ZBED4: variants seen among roughly 807,000 people sequenced by gnomAD.
The protein encoded by ZBED4 is zinc finger BED domain-containing protein 4.
A neutral mutation model predicts 15.5 loss-of-function variants in ZBED4; 4 were observed. The ratio of observed to expected loss-of-function variants is 0.26; its 90% CI spans 0.13 to 0.59. The LOEUF (loss-of-function observed/expected upper bound fraction) is 0.59. Ranked by LOEUF, ZBED4 falls within the 20% of genes least tolerant of loss-of-function variation. The probability of loss-of-function intolerance (pLI) is 0.90; values close to 1 mark genes in which losing one functional copy is unlikely to be tolerated. For missense variants in ZBED4, 1,323 were observed against 1,461.8 expected (o/e 0.91, Z 1.55); for synonymous variants, 692 against 608.5 (o/e 1.14, Z -2.02).
At chr22:49,867,706 C>G (rs1292470420) in intron 1 of ZBED4, among the ~76,000 whole-genome samples, 1 of 152,058 alleles carries the variant, frequency 6.6e-6, no homozygotes, top group Non-Finnish European at 1.5e-5. Flanking sequence ...TCTTTCTTTT[C>G]CAGCTGCCAG....
chr22:49,867,217 T>G (rs1337833379), intron 1 of ZBED4, among the ~76,000 whole-genome samples: 1 of 152,230 alleles, frequency 6.6e-6, no homozygotes, highest in Non-Finnish European at 1.5e-5. Flanking sequence ...CCCAGATTTC[T>G]TTCTTTTGCT....
rs1204237885 is a variant in ZBED4 at position 49,885,371 on chromosome 22, G to C, written c.1709G>C (p.Cys570Ser). 3.1e-6 allele frequency: 5 copies of C among 1,592,556 alleles called. No individual in the cohort carries two copies. In the East Asian group the frequency reaches 1.1e-4, roughly 36 times the overall value. The change falls in exon 2 of 2, where the codon TGC (cysteine) becomes TCC (serine). Residue 570 changes from cysteine (C) to serine (S), a missense_variant. By Grantham distance (112) the Cys-to-Ser change is moderately radical. This residue lies in a region of ZBED4 where 429 missense variants were observed against 397.9 expected (regional missense o/e 1.08). Transcript: ENST00000216268. ...TSKLWNHFSI[C>S]SADSTKVVCL... ...AAGCTGTGGAATCATTTTTCTATTT[G>C]CTCCGCAGACTCCACAAAAGTCGTG...
Position 49,853,901 on chromosome 22 carries a change from G to C in ZBED4, c.-418G>C, listed in dbSNP as rs940583971. 1 of 144,742 alleles carries C rather than the reference G, an allele frequency of 6.9e-6. No homozygotes were observed. The highest frequency in any genetic ancestry group is 6.8e-5 in the Admixed American group (1 of 14,642). The allele number at this position is 144,742 out of a possible 1,614,324, so 9.0% of individuals were successfully genotyped here. A position where few individuals can be genotyped will look rare whatever the true frequency, so the allele number is the denominator to read the frequency against. On this transcript the variant is annotated 5_prime_UTR_variant, in exon 1 of 2. Coordinates refer to ENST00000216268, the MANE Select transcript of ZBED4 (RefSeq NM_014838.3). ...GCGGGGCCGCGGGAGGGGCGCGGGG[G>C]CAGACAAAGCCGCGGTAATGAATGG...
rs138838038 is a variant in ZBED4 at position 49,858,238 on chromosome 22, C to T, written c.-330+4249C>T. 2.0e-3 allele frequency among the ~76,000 whole-genome samples: 311 copies of T among 152,320 alleles called. 2 individuals are homozygous for T. In the South Asian group the frequency reaches 0.022, roughly 11 times the overall value. ...TTAGCCCAGACCTGGATGTTGGCTT[C>T]TGTGTGGGCAGCTGTTGTGAGCCAT... On this transcript the variant is annotated intron_variant, in intron 1 of 1. Coordinates refer to ENST00000216268, the MANE Select transcript of ZBED4 (RefSeq NM_014838.3).
intron 1 of ZBED4, among the ~76,000 whole-genome samples, chr22:49,881,322 G>C (rs547090718): frequency 3.1e-4 from 47 of 152,394 alleles, no homozygotes; most frequent in African/African-American, 1.1e-3. Context: ...GCACACTGCA[G>C]CCTGGGCGAC....
intron 1 of ZBED4, among the ~76,000 whole-genome samples, chr22:49,880,148 C>T (rs1010027246): frequency 1.3e-4 from 20 of 151,904 alleles, no homozygotes; most frequent in African/African-American, 3.6e-4. Flanking sequence ...AAGCTGTGTT[C>T]GGGTGGCTCC....
At chr22:49,865,364 C>T (rs966418894) in intron 1 of ZBED4, among the ~76,000 whole-genome samples, 7 of 151,930 alleles carry the variant, frequency 4.6e-5, no homozygotes, top group African/African-American at 7.3e-5. Context: ...AATGCTTACA[C>T]GGGGGCCGGG....
chr22:49,882,077 A>C (rs1338369013), intron 1 of ZBED4, among the ~76,000 whole-genome samples: 1 of 152,194 alleles, frequency 6.6e-6, no homozygotes, highest in Admixed American at 6.5e-5. Context: ...TAGAAAATAC[A>C]TGATGTGGTG....
chr22:49,884,061 A>G lies in ZBED4; in HGVS notation c.399A>G (p.Lys133=). ...TTATCTCTCCCCGAGACAGCACTAA[A>G]GCAATATGCATGTACTGTGTGAAGG... ...HFFISPRDST[K]AICMYCVKEF... The change falls in exon 2 of 2, where the codon AAA becomes AAG. Residue 133 remains lysine, a synonymous_variant. Coordinates refer to ENST00000216268, the MANE Select transcript of ZBED4 (RefSeq NM_014838.3). The G allele has an allele frequency of 6.2e-7, 1 of 1,605,418 alleles. No individual in the cohort carries two copies. The highest frequency in any genetic ancestry group is 8.5e-7 in the Non-Finnish European group (1 of 1,176,734).
At chr22:49,880,349 C>T (rs905213641) in intron 1 of ZBED4, among the ~76,000 whole-genome samples, 3 of 152,236 alleles carry the variant, frequency 2.0e-5, no homozygotes, top group African/African-American at 7.2e-5. Flanking sequence ...GATCAGTATT[C>T]AGCCAAAGAC....
chr22:49,883,510 A>T lies in ZBED4; in HGVS notation c.-153A>T. On this transcript the variant is annotated 5_prime_UTR_variant, in exon 2 of 2. Coordinates refer to ENST00000216268, the MANE Select transcript of ZBED4 (RefSeq NM_014838.3). ...CCATGAGTCACAGATTCTTTTTTTC[A>T]GTACTATTTATGATTAGCCATATTT... 2 of 1,077,174 alleles carry T rather than the reference A, an allele frequency of 1.9e-6. No homozygotes were observed. The highest frequency in any genetic ancestry group is 2.5e-6 in the Non-Finnish European group (2 of 785,224). The allele number at this position is 1,077,174 out of a possible 1,614,324, so 66.7% of individuals were successfully genotyped here.
chr22:49,860,930 C>G (rs985058623), intron 1 of ZBED4, among the ~76,000 whole-genome samples: 7 of 152,022 alleles, frequency 4.6e-5, no homozygotes, highest in Non-Finnish European at 7.4e-5. Context: ...AGGCGCCCAC[C>G]ACCACGCCCA....
Position 49,884,792 on chromosome 22 carries a change from T to C in ZBED4, c.1130T>C (p.Val377Ala), listed in dbSNP as rs2060428202. ...CTCAGCTCTGTGTCCTCGTCTCCAG[T>C]AAAGCCGGTCAGAGAGTCCCCTTCG... Reference protein sequence around the residue: ...GELSSVSSSPVKPVRESPSAS... With the variant: ...GELSSVSSSPAKPVRESPSAS... Residue 377 changes from valine to alanine, a missense_variant, in exon 2 of 2, where the codon GTA becomes GCA. By Grantham distance (64) the Val-to-Ala change is moderately conservative. Coordinates refer to ENST00000216268, the MANE Select transcript of ZBED4 (RefSeq NM_014838.3). The C allele has an allele frequency of 1.2e-6, 2 of 1,608,834 alleles. No individual in the cohort carries two copies. The highest frequency in any genetic ancestry group is 4.5e-5 in the East Asian group (2 of 44,730).
At chr22:49,881,288 G>A (rs1458669704) in intron 1 of ZBED4, among the ~76,000 whole-genome samples, 2 of 152,284 alleles carry the variant, frequency 1.3e-5, no homozygotes, top group Admixed American at 1.3e-4. Context: ...AGCGGAGGTT[G>A]CGGTGAACTG....
At chr22:49,861,334 G>A (rs1258844093) in intron 1 of ZBED4, among the ~76,000 whole-genome samples, 3 of 152,160 alleles carry the variant, frequency 2.0e-5, no homozygotes, top group Non-Finnish European at 4.4e-5. Context: ...TAGAGATGGG[G>A]TTTCACTGTG....
At chr22:49,863,465 A>T (rs781375284) in intron 1 of ZBED4, among the ~76,000 whole-genome samples, 3 of 152,216 alleles carry the variant, frequency 2.0e-5, no homozygotes, top group Non-Finnish European at 4.4e-5. Flanking sequence ...CGTCTCTACT[A>T]AAAATACAAA....
chr22:49,884,628 G>A lies in ZBED4; in HGVS notation c.966G>A (p.Leu322=), dbSNP rs761532490. 1 of 1,612,796 alleles carries A rather than the reference G, an allele frequency of 6.2e-7. No individual in the cohort carries two copies. Among genetic ancestry groups the A allele is most frequent in the Non-Finnish European group, 8.5e-7 (1 of 1,179,318 alleles). The change falls in exon 2 of 2, where the codon CTG becomes CTA. Residue 322 remains leucine, a synonymous_variant. Coordinates refer to ENST00000216268, the MANE Select transcript of ZBED4 (RefSeq NM_014838.3). ...EFSRGKNGKD[L]GTSCLIRHMW... ...GCCGGGGGAAGAATGGGAAGGACCT[G>A]GGCACGAGCTGCCTCATCAGGCACA...
At chr22:49,875,428 T>C (rs79950925) in intron 1 of ZBED4, among the ~76,000 whole-genome samples, 9 of 151,434 alleles carry the variant, frequency 5.9e-5, no homozygotes, top group South Asian at 2.1e-4. Context: ...CTTTTTTTTT[T>C]TCTTTTTTTT....
At position 49,889,022 on chromosome 22, in the gene ZBED4, G is replaced by A. The variant is rs2060454468; in HGVS notation, c.*1844G>A. The A allele has an allele frequency of 1.2e-5, 2 of 167,222 alleles. No homozygotes were observed. Among genetic ancestry groups the A allele is most frequent in the African/African-American group, 4.8e-5 (2 of 41,452 alleles). The allele number at this position is 167,222 out of a possible 1,614,324, so 10.4% of individuals were successfully genotyped here. Reference sequence around the variant, plus strand: ...AATATCCTTAGAATTTTGGGATATTGAGCTTCATGGATTTTCTCTCCAAAA... The same window carrying A: ...AATATCCTTAGAATTTTGGGATATTAAGCTTCATGGATTTTCTCTCCAAAA... On this transcript the variant is annotated 3_prime_UTR_variant, in exon 2 of 2. Transcript: ENST00000216268.
Sources: gnomAD v4.1 joint callset for allele counts (sites outside exome capture counted in the v4.1 genomes callset) on GRCh38, gnomAD v4.1.1 for gene constraint, gnomAD v4.1.1 regional missense constraint, MANE v1.5 for transcripts, NCBI Gene and HGNC (gene_info 2026-07-23, HGNC 2026-07-21) for gene names.